The following CCSER1 variants were observed in gnomAD, a reference collection of about 807,000 sequenced individuals.
The protein encoded by CCSER1 is serine-rich coiled-coil domain-containing protein 1.
CCSER1 carries 41 observed loss-of-function variants against 82.0 expected under a neutral mutation model. The ratio of observed to expected loss-of-function variants is 0.50; its 90% CI spans 0.39 to 0.65. The LOEUF (loss-of-function observed/expected upper bound fraction) is 0.65, where lower values mean the gene tolerates loss of function less well. Among genes scored for constraint, CCSER1 ranks in the 30% least tolerant of loss-of-function variants. The probability of loss-of-function intolerance (pLI) is 0.00; values close to 1 mark genes in which losing one functional copy is unlikely to be tolerated. For missense variants in CCSER1, 1,119 were observed against 1,064.2 expected (o/e 1.05, Z -0.72); for synonymous variants, 414 against 383.9 (o/e 1.08, Z -0.92).
intron 1 of CCSER1, among the ~76,000 whole-genome samples, chr4:90,304,739 G>A (rs1733909809): frequency 6.6e-6 from 1 of 151,748 alleles, no homozygotes; most frequent in African/African-American, 2.4e-5. Flanking sequence ...CATGGCACAT[G>A]TATACATATG....
chr4:91,310,342 T>G (rs1470041670), intron 10 of CCSER1, among the ~76,000 whole-genome samples: 1 of 151,450 alleles, frequency 6.6e-6, no homozygotes, highest in Non-Finnish European at 1.5e-5. Flanking sequence ...AAGAATTGTC[T>G]TGGGCCAAAC....
At chr4:91,164,921 G>A (rs1236391126) in intron 10 of CCSER1, among the ~76,000 whole-genome samples, 1 of 152,194 alleles carries the variant, frequency 6.6e-6, no homozygotes, top group Non-Finnish European at 1.5e-5. Flanking sequence ...ACCTTCTGAA[G>A]TCTACTTCTG....
chr4:90,887,009 T>C (rs979376350), intron 8 of CCSER1, among the ~76,000 whole-genome samples: 1 of 152,176 alleles, frequency 6.6e-6, no homozygotes, highest in Non-Finnish European at 1.5e-5. Context: ...TGAGGAGATT[T>C]AAAAGGGAAG....
intron 6 of CCSER1, among the ~76,000 whole-genome samples, chr4:90,661,693 CAG>C (rs1185768661): frequency 6.6e-6 from 1 of 152,056 alleles, no homozygotes; most frequent in Non-Finnish European, 1.5e-5. Context: ...CCTAAAATAT[CAG>C]AGTGTCCTAC....
intron 6 of CCSER1, among the ~76,000 whole-genome samples, chr4:90,670,360 C>G (rs1732566229): frequency 6.6e-6 from 1 of 152,016 alleles, no homozygotes; most frequent in African/African-American, 2.4e-5. Context: ...TGAGAAAGTT[C>G]AGGGGAATTC....
intron 8 of CCSER1, among the ~76,000 whole-genome samples, chr4:90,913,027 G>A (rs199813283): frequency 1.3e-5 from 2 of 152,328 alleles, no homozygotes; most frequent in East Asian, 3.9e-4. Context: ...GTACCTGAAA[G>A]TGACGGGGAG....
chr4:91,124,115 TTAAAA>T (rs1228879798), intron 10 of CCSER1, among the ~76,000 whole-genome samples: 1 of 151,798 alleles, frequency 6.6e-6, no homozygotes, highest in African/African-American at 2.4e-5. Context: ...AAAACTTGTA[TTAAAA>T]TAAAATTAAT....
At chr4:91,015,772 A>G (rs892801782) in intron 9 of CCSER1, among the ~76,000 whole-genome samples, 5 of 152,024 alleles carry the variant, frequency 3.3e-5, no homozygotes, top group African/African-American at 9.6e-5. Context: ...CAATTCAGCA[A>G]TAACTAGAGG....
chr4:90,584,616 T>A (rs947591151), intron 5 of CCSER1, among the ~76,000 whole-genome samples: 1 of 152,218 alleles, frequency 6.6e-6, no homozygotes. Context: ...TTGTGATAAT[T>A]TGTTTTGCAG....
chr4:91,022,269 T>C (rs2150530237), intron 9 of CCSER1, among the ~76,000 whole-genome samples: 1 of 151,684 alleles, frequency 6.6e-6, no homozygotes, highest in South Asian at 2.1e-4. Context: ...TTTTTGTCCT[T>C]GTGATAGTTT....
intron 7 of CCSER1, among the ~76,000 whole-genome samples, chr4:90,748,845 G>C (rs1173833945): frequency 6.7e-6 from 1 of 149,906 alleles, no homozygotes; most frequent in African/African-American, 2.5e-5. Flanking sequence ...CTTTTGAGAA[G>C]TGTCTGTTCA....
intron 10 of CCSER1, among the ~76,000 whole-genome samples, chr4:91,482,479 C>T (rs1321995190): frequency 6.7e-6 from 1 of 149,834 alleles, no homozygotes; most frequent in Non-Finnish European, 1.5e-5. Context: ...AATACGAATG[C>T]TTTTACACTT....
intron 10 of CCSER1, among the ~76,000 whole-genome samples, chr4:91,251,641 G>C (rs1201493775): frequency 6.6e-6 from 1 of 152,114 alleles, no homozygotes; most frequent in African/African-American, 2.4e-5. Flanking sequence ...TTTGAAATTA[G>C]TGGTTATGTC....
chr4:90,457,743 T>C (rs1762371874), intron 4 of CCSER1, among the ~76,000 whole-genome samples: 1 of 152,110 alleles, frequency 6.6e-6, no homozygotes, highest in South Asian at 2.1e-4. Flanking sequence ...ACCATAATTT[T>C]CACTCTGCTC....
intron 5 of CCSER1, among the ~76,000 whole-genome samples, chr4:90,511,802 A>G (rs1771565745): frequency 6.6e-6 from 1 of 152,208 alleles, no homozygotes; most frequent in African/African-American, 2.4e-5. Context: ...AATTTCTCAA[A>G]TAGGTATAAG....
chr4:91,437,089 G>T (rs1754702237), intron 10 of CCSER1, among the ~76,000 whole-genome samples: 1 of 152,216 alleles, frequency 6.6e-6, no homozygotes, highest in African/African-American at 2.4e-5. Context: ...AAGAGGCCAT[G>T]CTTAGTGTCC....
At chr4:90,150,472 G>A (rs944713443) in intron 1 of CCSER1, among the ~76,000 whole-genome samples, 2 of 152,082 alleles carry the variant, frequency 1.3e-5, no homozygotes, top group African/African-American at 4.8e-5. Flanking sequence ...AAGTATAAGA[G>A]ATGCATGACT....
chr4:90,505,434 A>G (rs1306523665), intron 5 of CCSER1, among the ~76,000 whole-genome samples: 1 of 152,164 alleles, frequency 6.6e-6, no homozygotes, highest in Non-Finnish European at 1.5e-5. Flanking sequence ...AGACCCACCC[A>G]CCAATTAGGT....
intron 1 of CCSER1, among the ~76,000 whole-genome samples, chr4:90,135,477 C>T (rs919029053): frequency 3.9e-5 from 6 of 152,212 alleles, no homozygotes; most frequent in African/African-American, 1.4e-4. Flanking sequence ...AAACACAACA[C>T]TTTCCTGGAT....
Sources: gnomAD v4.1 joint callset for allele counts (sites outside exome capture counted in the v4.1 genomes callset) on GRCh38, gnomAD v4.1.1 for gene constraint, MANE v1.5 for transcripts, NCBI Gene and HGNC (gene_info 2026-07-23, HGNC 2026-07-21) for gene names.